Variants in AXDND1 observed in about 807,000 individuals in gnomAD.
The protein encoded by AXDND1 is axonemal dynein light chain domain-containing protein 1.
AXDND1 carries 110 observed loss-of-function variants against 137.5 expected under a neutral mutation model. The ratio of observed to expected loss-of-function variants is 0.80; its 90% CI spans 0.69 to 0.94. The LOEUF (loss-of-function observed/expected upper bound fraction) is 0.94. Among genes scored for constraint, AXDND1 ranks in the 40% least tolerant of loss-of-function variants. The pLI is 0.00. For synonymous variants in AXDND1, 414 were observed against 399.7 expected (o/e 1.04, Z -0.43); for missense variants, 1,191 against 1,169.8 (o/e 1.02, Z -0.26).
At chr1:179,552,135 C>T (rs148490183) in intron 25 of AXDND1, 47 of 176,714 alleles carry the variant, frequency 2.7e-4, no homozygotes, top group African/African-American at 9.5e-4. Flanking sequence ...CTCTTGCTGT[C>T]ATGCCTGAGT....
Position 179,406,694 on chromosome 1 carries a change from G to A in AXDND1, c.1110-4452G>A, listed in dbSNP as rs965581228. 5.0e-4 allele frequency among the ~76,000 whole-genome samples: 76 copies of A among 152,100 alleles called. 1 individual carries two copies. The highest frequency in any genetic ancestry group is 7.5e-4 in the Non-Finnish European group (51 of 67,986). Reference sequence around the variant, plus strand: ...AGTACTCCTGCTTGCTTTGGTTTCTGTCTGCATAGAGTGTCTTTTTCCATC... The same window carrying A: ...AGTACTCCTGCTTGCTTTGGTTTCTATCTGCATAGAGTGTCTTTTTCCATC... On this transcript the variant is annotated intron_variant, in intron 11 of 25. Transcript: ENST00000367618.
chr1:179,538,752 A>C (rs1425464556), intron 25 of AXDND1, among the ~76,000 whole-genome samples: 1 of 152,098 alleles, frequency 6.6e-6, no homozygotes, highest in Non-Finnish European at 1.5e-5. Context: ...ATCCTTGTTA[A>C]TTTACTGTCT....
intron 3 of AXDND1, among the ~76,000 whole-genome samples, chr1:179,369,721 C>CTTGA (rs1667844860): frequency 6.6e-6 from 1 of 151,952 alleles, no homozygotes; most frequent in Middle Eastern, 3.2e-3. Context: ...GTTTCCAAGG[C>CTTGA]TTGAGTATTT....
At chr1:179,389,914 G>A (rs180900035) in intron 9 of AXDND1, among the ~76,000 whole-genome samples, 10 of 152,184 alleles carry the variant, frequency 6.6e-5, no homozygotes, top group Non-Finnish European at 1.0e-4. Flanking sequence ...TAAAGCAAGG[G>A]CTGGATAATT....
intron 25 of AXDND1, 186 bp downstream of exon 25, chr1:179,535,148 C>G: frequency 2.6e-6 from 2 of 784,192 alleles, no homozygotes; most frequent in Non-Finnish European, 3.9e-6. Flanking sequence ...AAAAGGAAAA[C>G]CAAATGAATA....
At chr1:179,413,318 G>A (rs1461994141) in intron 12 of AXDND1, among the ~76,000 whole-genome samples, 1 of 152,114 alleles carries the variant, frequency 6.6e-6, no homozygotes. Flanking sequence ...AAATCATAAG[G>A]TTTGGGCTTC....
At chr1:179,366,364 C>CTTT (rs35129223) in intron 1 of AXDND1, 40 bp from the exon 2 acceptor site, 411 of 491,790 alleles carry the variant, frequency 8.4e-4, no homozygotes, top group Admixed American at 2.0e-3. Flanking sequence ...TAGTTGTCAT[C>CTTT]TTTTTTTTTT....
chr1:179,421,632 C>T (rs1454958089), intron 12 of AXDND1, among the ~76,000 whole-genome samples: 1 of 151,572 alleles, frequency 6.6e-6, no homozygotes, highest in Admixed American at 6.6e-5. Flanking sequence ...GATCCACCTG[C>T]CTCGGCCTGC....
At chr1:179,470,960 G>A (rs1663851371) in intron 17 of AXDND1, among the ~76,000 whole-genome samples, 1 of 151,946 alleles carries the variant, frequency 6.6e-6, no homozygotes, top group African/African-American at 2.4e-5. Context: ...ACATAAAAAA[G>A]TTGTTGGATT....
intron 17 of AXDND1, among the ~76,000 whole-genome samples, chr1:179,481,826 A>G (rs1173488942): frequency 6.6e-6 from 1 of 152,200 alleles, no homozygotes; most frequent in Non-Finnish European, 1.5e-5. Context: ...TGCTAAAACT[A>G]CTTTCATGTA....
intron 12 of AXDND1, among the ~76,000 whole-genome samples, chr1:179,429,222 T>C (rs1417250638): frequency 3.9e-5 from 6 of 151,984 alleles, no homozygotes; most frequent in Non-Finnish European, 7.4e-5. Context: ...TAAATATCAA[T>C]AGATGCATTC....
chr1:179,483,716 T>A (rs1665698904), intron 18 of AXDND1, among the ~76,000 whole-genome samples: 1 of 152,224 alleles, frequency 6.6e-6, no homozygotes, highest in African/African-American at 2.4e-5. Flanking sequence ...TAGAATTTAA[T>A]TTTTATAGTG....
At chr1:179,415,908 C>G (rs1373418050) in intron 12 of AXDND1, among the ~76,000 whole-genome samples, 11 of 152,180 alleles carry the variant, frequency 7.2e-5, no homozygotes, top group Admixed American at 2.0e-4. Flanking sequence ...GGATAGACAT[C>G]ATCTAAAATA....
chr1:179,543,206 A>G (rs1258188121), intron 25 of AXDND1: 1 of 152,118 alleles, frequency 6.6e-6, no homozygotes, highest in Non-Finnish European at 1.5e-5. Context: ...AGAGTAGGGG[A>G]TGTATTTATT....
chr1:179,448,105 T>C (rs1659995985), intron 16 of AXDND1: 1 of 1,015,998 alleles, frequency 9.8e-7, no homozygotes, highest in African/African-American at 1.7e-5. Flanking sequence ...AAATTCCTCA[T>C]TAATTATTTT....
intron 25 of AXDND1, chr1:179,550,911 T>C: frequency 2.0e-6 from 1 of 507,316 alleles, no homozygotes; most frequent in Non-Finnish European, 3.6e-6. Context: ...GACTCAAAAT[T>C]CTTTCCAAAG....
At chr1:179,453,732 A>C (rs1383074605) in intron 16 of AXDND1, 3 of 148,266 alleles carry the variant, frequency 2.0e-5, no homozygotes, top group Admixed American at 1.4e-4. Flanking sequence ...CCTGGGAGGC[A>C]GAGGTTGCAG....
intron 14 of AXDND1, 71 bp from the exon 15 acceptor site, chr1:179,432,196 A>G (rs1232083928): frequency 6.9e-6 from 10 of 1,450,762 alleles, no homozygotes. Flanking sequence ...TTTAGTCTTT[A>G]GTGTGTGAAC....
chr1:179,488,790 A>C (rs1666501718), intron 18 of AXDND1, among the ~76,000 whole-genome samples: 1 of 141,420 alleles, frequency 7.1e-6, no homozygotes, highest in Non-Finnish European at 1.5e-5. Context: ...GCTGGACTGC[A>C]GTGGCACGTT....
Sources: allele counts gnomAD v4.1 joint callset (sites outside exome capture counted in the v4.1 genomes callset), GRCh38; gene constraint gnomAD v4.1.1; transcripts MANE v1.5; gene names NCBI Gene and HGNC (gene_info 2026-07-23, HGNC 2026-07-21).